Variants in BCAS1 observed in about 807,000 individuals in gnomAD.
BCAS1 encodes the protein brain enriched myelin associated protein 1, also known as breast carcinoma-amplified sequence 1.
A neutral mutation model predicts 65.4 loss-of-function variants in BCAS1; 46 were observed. The observed-to-expected ratio is 0.70, with a 90% CI of 0.55 to 0.90. The LOEUF is 0.90. BCAS1 is among the 40% of genes least tolerant of loss of function. BCAS1 has a pLI of 0.00. For synonymous variants in BCAS1, 298 were observed against 293.5 expected, an observed-to-expected ratio of 1.02 and a Z score of -0.16; for missense variants, 793 against 771.2, an observed-to-expected ratio of 1.03 and a Z score of -0.33.
intron 12 of BCAS1, among the ~76,000 whole-genome samples, chr20:53,946,655 T>C (rs2089333369): frequency 6.6e-6 from 1 of 150,892 alleles, no homozygotes; most frequent in Middle Eastern, 3.2e-3. Flanking sequence ...TTATAGTATA[T>C]ATAGTATACA....
At chr20:54,048,330 G>A (rs290422) in intron 3 of BCAS1, among the ~76,000 whole-genome samples, 21,896 of 152,044 alleles carry the variant, frequency 0.14, 1,938 homozygotes, top group South Asian at 0.25. Flanking sequence ...ATAGCCAATC[G>A]TCTCCAGCCC....
chr20:53,949,402 G>A (rs2089442292), intron 12 of BCAS1, among the ~76,000 whole-genome samples: 1 of 152,160 alleles, frequency 6.6e-6, no homozygotes, highest in East Asian at 1.9e-4. Flanking sequence ...GATGGAGAAG[G>A]AGGAAAAAAG....
chr20:53,973,301 T>C (rs565067273), intron 9 of BCAS1, among the ~76,000 whole-genome samples: 1 of 152,198 alleles, frequency 6.6e-6, no homozygotes, highest in Non-Finnish European at 1.5e-5. Flanking sequence ...AAAATGTTGC[T>C]TGCAGTGTTA....
intron 12 of BCAS1, among the ~76,000 whole-genome samples, chr20:53,945,591 A>G (rs1190060293): frequency 6.6e-6 from 1 of 152,038 alleles, no homozygotes; most frequent in East Asian, 1.9e-4. Flanking sequence ...CTCTCTCAGA[A>G]CATACCACTC....
intron 4 of BCAS1, among the ~76,000 whole-genome samples, chr20:54,020,415 C>A (rs2091531643): frequency 6.6e-6 from 1 of 152,124 alleles, no homozygotes; most frequent in Non-Finnish European, 1.5e-5. Flanking sequence ...GTAGATAGTA[C>A]AAATGTAGAC....
chr20:54,038,567 G>C (rs762674587), intron 3 of BCAS1, among the ~76,000 whole-genome samples: 9 of 151,346 alleles, frequency 5.9e-5, no homozygotes, highest in Admixed American at 1.3e-4. Flanking sequence ...CCAATGAACA[G>C]GTTGGGAAAC....
At chr20:54,045,168 T>G (rs1173340052) in intron 3 of BCAS1, among the ~76,000 whole-genome samples, 2 of 149,868 alleles carry the variant, frequency 1.3e-5, no homozygotes, top group African/African-American at 2.5e-5. Flanking sequence ...GTGATGATCA[T>G]GCCATTGCAC....
intron 10 of BCAS1, among the ~76,000 whole-genome samples, chr20:53,961,171 A>C (rs998797722): frequency 2.0e-5 from 3 of 152,250 alleles, no homozygotes; most frequent in Non-Finnish European, 4.4e-5. Context: ...TCCAATGTAT[A>C]TCACTTAGCT....
intron 8 of BCAS1, among the ~76,000 whole-genome samples, chr20:53,980,523 G>C (rs1408107652): frequency 6.6e-6 from 1 of 152,180 alleles, no homozygotes; most frequent in East Asian, 1.9e-4. Context: ...TCAGGCAGTG[G>C]GTTAAGTGCT....
intron 12 of BCAS1, among the ~76,000 whole-genome samples, chr20:53,948,669 C>T (rs1362404385): frequency 6.6e-6 from 1 of 152,224 alleles, no homozygotes; most frequent in African/African-American, 2.4e-5. Context: ...CAGGACTACA[C>T]GTCACAGTTC....
chr20:53,987,772 CA>C (rs1233788031), intron 7 of BCAS1, among the ~76,000 whole-genome samples: 2 of 152,170 alleles, frequency 1.3e-5, no homozygotes, highest in Non-Finnish European at 2.9e-5. Context: ...TCATGAAAAT[CA>C]GGGAAGACTT....
intron 10 of BCAS1, among the ~76,000 whole-genome samples, chr20:53,959,221 G>C (rs1387581191): frequency 6.6e-6 from 1 of 151,888 alleles, no homozygotes; most frequent in Non-Finnish European, 1.5e-5. Context: ...CTCCCAGATA[G>C]ATAGGACTAC....
chr20:53,992,540 A>T lies in BCAS1; in HGVS notation c.1034T>A (p.Leu345His), dbSNP rs1237991622. The change falls in exon 7 of 13, where the codon CTC becomes CAC. Residue 345 changes from leucine to histidine, a missense_variant. By Grantham distance (99) the Leu-to-His change is moderately conservative. Transcript: ENST00000688948. ...ATGCCTAAAGAATTTTCTAAAGGCG[A>T]GTCCTAGCCTGGGGCTATCCAGGTG... ...KKHLDSPRLG[L>H]AFRKFFRHKG... 6.6e-6 allele frequency: 9 copies of T among 1,365,728 alleles called. No individual in the cohort carries two copies. Among genetic ancestry groups the T allele is most frequent in the Middle Eastern group, 2.1e-4 (1 of 4,762 alleles). 84.6% of individuals were successfully genotyped at this position (1,365,728 alleles called of 1,614,324 possible). A position where few individuals can be genotyped will look rare whatever the true frequency, so the allele number is the denominator to read the frequency against.
At chr20:53,986,375 T>C (rs979709070) in intron 7 of BCAS1, among the ~76,000 whole-genome samples, 7 of 152,204 alleles carry the variant, frequency 4.6e-5, no homozygotes, top group Non-Finnish European at 1.0e-4. Context: ...AGTCATGAGA[T>C]AAAGGAAGAG....
intron 3 of BCAS1, among the ~76,000 whole-genome samples, chr20:54,056,665 G>A (rs538173278): frequency 1.3e-5 from 2 of 152,212 alleles, no homozygotes; most frequent in South Asian, 2.1e-4. Context: ...CCCAACTTTA[G>A]GGTATTCTGA....
At chr20:53,980,334 C>T (rs886503559) in intron 8 of BCAS1, among the ~76,000 whole-genome samples, 1 of 152,126 alleles carries the variant, frequency 6.6e-6, no homozygotes, top group Non-Finnish European at 1.5e-5. Context: ...GAGGGCTTCC[C>T]GAAGACAGCT....
chr20:53,967,876 T>C (rs2276511), intron 9 of BCAS1, among the ~76,000 whole-genome samples: 2,445 of 152,336 alleles, frequency 0.016, 56 homozygotes, highest in East Asian at 0.098. Context: ...ATTTGTGTTG[T>C]TCCCTGCCAC....
At chr20:53,962,527 C>T (rs2089909476) in intron 10 of BCAS1, among the ~76,000 whole-genome samples, 1 of 152,196 alleles carries the variant, frequency 6.6e-6, no homozygotes, top group East Asian at 1.9e-4. Flanking sequence ...GTATCTAGAT[C>T]TACCACCTTT....
At chr20:54,021,958 A>C (rs1454085722) in intron 4 of BCAS1, among the ~76,000 whole-genome samples, 1 of 152,254 alleles carries the variant, frequency 6.6e-6, no homozygotes, top group Non-Finnish European at 1.5e-5. Context: ...ACACAAAGAC[A>C]CAAAGTGAAC....
Sources: allele counts gnomAD v4.1 joint callset (sites outside exome capture counted in the v4.1 genomes callset), GRCh38; gene constraint gnomAD v4.1.1; transcripts MANE v1.5; gene names NCBI Gene and HGNC (gene_info 2026-07-23, HGNC 2026-07-21).